Variants in USP7 observed in about 807,000 individuals in gnomAD.
USP7 encodes ubiquitin C-terminal hydrolase 7.
USP7 carries 9 observed loss-of-function variants against 162.9 expected under a neutral mutation model. The ratio of observed to expected loss-of-function variants is 0.06; its 90% CI spans 0.03 to 0.10. The LOEUF (loss-of-function observed/expected upper bound fraction) is 0.10. Ranked by LOEUF, USP7 falls within the 10% of genes least tolerant of loss-of-function variation. The pLI is 1.00. For synonymous variants in USP7, 562 were observed against 475.9 expected, an observed-to-expected ratio of 1.18 and a Z score of -2.35; for missense variants, 715 against 1,373.7, an observed-to-expected ratio of 0.52 and a Z score of 7.58.
At chr16:8,945,809 A>C (rs1899249541) in intron 1 of USP7, among the ~76,000 whole-genome samples, 1 of 151,990 alleles carries the variant, frequency 6.6e-6, no homozygotes, top group Non-Finnish European at 1.5e-5. Flanking sequence ...CCAGCACTTT[A>C]GGAAGCCAAG....
At chr16:8,910,673 T>G in intron 11 of USP7, 72 bp downstream of exon 11, 1 of 1,402,588 alleles carries the variant, frequency 7.1e-7, no homozygotes, top group Non-Finnish European at 1.0e-6. Context: ...CAAATTTTTA[T>G]TTAGCAATTA....
chr16:8,935,137 C>T (rs1033019407), intron 1 of USP7, among the ~76,000 whole-genome samples: 1 of 151,960 alleles, frequency 6.6e-6, no homozygotes, highest in African/African-American at 2.4e-5. Context: ...TTTTATATGC[C>T]ACCTTTTCGG....
rs1451663216 is a variant in USP7 at position 8,898,610 on chromosome 16, C to T, written c.2561G>A (p.Arg854Lys). Residue 854 changes from arginine (R) to lysine (K), a missense_variant, in exon 24 of 31, where the codon AGA becomes AAA. This residue lies in a region of USP7 where 222 missense variants were observed against 441.7 expected (regional missense o/e 0.50). Transcript: ENST00000344836. ...GYRDGPGNPL[R>K]HNYEGTLRDL... The stretch of plus-strand genomic sequence containing the variant: ...TCTTAAAGTACCTTCATAATTATGT[C>T]TAAGAGGATTACCTGGGCCATCCCT... 1.9e-6 allele frequency: 3 copies of T among 1,608,140 alleles called. No homozygotes were observed. Among genetic ancestry groups the T allele is most frequent in the Non-Finnish European group, 2.5e-6 (3 of 1,178,360 alleles).
intron 2 of USP7, among the ~76,000 whole-genome samples, chr16:8,925,736 C>T (rs1394219584): frequency 6.6e-6 from 1 of 152,226 alleles, no homozygotes; most frequent in Non-Finnish European, 1.5e-5. Flanking sequence ...TTCAGCCTCA[C>T]ACTCAAGGCA....
At chr16:8,947,710 C>G (rs1884254609) in intron 1 of USP7, among the ~76,000 whole-genome samples, 1 of 152,188 alleles carries the variant, frequency 6.6e-6, no homozygotes, top group Non-Finnish European at 1.5e-5. Flanking sequence ...AACCCACCCA[C>G]CAAAAGCTCT....
intron 10 of USP7, among the ~76,000 whole-genome samples, chr16:8,911,782 G>A (rs1044192769): frequency 1.3e-5 from 2 of 152,200 alleles, no homozygotes; most frequent in Non-Finnish European, 2.9e-5. Flanking sequence ...AGTTTCTTCC[G>A]AAGCTGTCAG....
At chr16:8,935,830 C>G (rs1800195750) in intron 1 of USP7, 1 of 152,118 alleles carries the variant, frequency 6.6e-6, no homozygotes, top group African/African-American at 2.4e-5. Context: ...ATGCCTATAC[C>G]CAGCTTTCCT....
intron 26 of USP7, among the ~76,000 whole-genome samples, chr16:8,896,214 G>A (rs1273798201): frequency 1.3e-5 from 2 of 151,256 alleles, no homozygotes; most frequent in African/African-American, 2.4e-5. Flanking sequence ...CGGAGAGGGG[G>A]TCCCCTTGAA....
intron 1 of USP7, among the ~76,000 whole-genome samples, chr16:8,933,493 C>T (rs1440870299): frequency 1.3e-5 from 2 of 152,124 alleles, no homozygotes; most frequent in Non-Finnish European, 2.9e-5. Context: ...ATTCCCTTTA[C>T]AAAATTCAAA....
chr16:8,962,476 C>T (rs570405442), intron 1 of USP7: 14 of 450,122 alleles, frequency 3.1e-5, no homozygotes, highest in Non-Finnish European at 5.8e-5. Context: ...ACCGAGTTAC[C>T]TTTCGAGTCA....
intron 10 of USP7, among the ~76,000 whole-genome samples, chr16:8,911,306 T>C (rs1488553218): frequency 6.6e-6 from 1 of 152,124 alleles, no homozygotes; most frequent in Admixed American, 6.5e-5. Context: ...AGGTGGATTG[T>C]AGATAAATGG....
intron 11 of USP7, among the ~76,000 whole-genome samples, chr16:8,910,035 G>A (rs536025119): frequency 3.3e-5 from 5 of 152,190 alleles, no homozygotes. Flanking sequence ...TGGGTACACA[G>A]GCACCATGAA....
At chr16:8,932,609 A>C (rs2141234576) in intron 1 of USP7, among the ~76,000 whole-genome samples, 1 of 90,482 alleles carries the variant, frequency 1.1e-5, no homozygotes, top group African/African-American at 2.7e-5. Flanking sequence ...TATACATGCT[A>C]AATTTAAAAA....
intron 1 of USP7, among the ~76,000 whole-genome samples, chr16:8,947,023 G>C (rs573355981): frequency 1.3e-5 from 2 of 152,278 alleles, no homozygotes; most frequent in South Asian, 2.1e-4. Flanking sequence ...GTTACCACTT[G>C]TTTTGCTTTG....
intron 12 of USP7, among the ~76,000 whole-genome samples, chr16:8,908,098 G>C (rs149965411): frequency 0.012 from 1,761 of 152,338 alleles, 19 homozygotes; most frequent in Non-Finnish European, 0.017. Context: ...CCATAGCTGA[G>C]AGCAGGGCTG....
In USP7 at chr16:8,904,519, C is replaced by T; in HGVS notation, c.1620G>A (p.Leu540=). The change falls in exon 15 of 31, where the codon TTG becomes TTA. Residue 540 remains leucine (L), a synonymous_variant. Transcript: ENST00000344836. ...TTTTCTCTTCTTGTAATCGCTCCAC[C>T]AACTGCTGAGGAATATCATGGTCGG... ...AVTDHDIPQQ[L]VERLQEEKRI... is the part of the protein sequence containing the mutation. 6.2e-7 allele frequency: 1 copy of T among 1,614,194 alleles called. No homozygotes were observed. The highest frequency in any genetic ancestry group is 8.5e-7 in the Non-Finnish European group (1 of 1,180,038).
At chr16:8,952,259 T>G (rs533848837) in intron 1 of USP7, among the ~76,000 whole-genome samples, 80 of 152,230 alleles carry the variant, frequency 5.3e-4, no homozygotes, top group Non-Finnish European at 1.0e-3. Context: ...AAAAAAATAT[T>G]AATTAAAATT....
intron 1 of USP7, among the ~76,000 whole-genome samples, chr16:8,954,513 C>A (rs576153317): frequency 6.6e-6 from 1 of 152,092 alleles, no homozygotes; most frequent in Non-Finnish European, 1.5e-5. Flanking sequence ...CCCTGTTAAC[C>A]GTAACTCAAA....
At chr16:8,923,854 G>T (rs1897844684) in intron 2 of USP7, among the ~76,000 whole-genome samples, 1 of 152,166 alleles carries the variant, frequency 6.6e-6, no homozygotes, top group Non-Finnish European at 1.5e-5. Flanking sequence ...ACACAGGCAG[G>T]ACTTGAGAGC....
Sources: gnomAD v4.1 joint callset for allele counts (sites outside exome capture counted in the v4.1 genomes callset) on GRCh38, gnomAD v4.1.1 for gene constraint, gnomAD v4.1.1 regional missense constraint, MANE v1.5 for transcripts, NCBI Gene and HGNC (gene_info 2026-07-23, HGNC 2026-07-21) for gene names.